The following TAFA4 variants were observed in gnomAD, a reference collection of about 807,000 sequenced individuals.
The protein encoded by TAFA4 is chemokine-like protein TAFA-4.
TAFA4 carries 20 observed loss-of-function variants against 21.1 expected under a neutral mutation model. The observed-to-expected ratio is 0.95, with a 90% confidence interval of 0.67 to 1.38. TAFA4 has a LOEUF of 1.38. Ranked by LOEUF, TAFA4 falls within the 40% of genes most tolerant of loss-of-function variation. The pLI, the probability that TAFA4 is intolerant of heterozygous loss-of-function variation, is 0.00. For missense variants in TAFA4, 211 were observed against 180.9 expected, an observed-to-expected ratio of 1.17 and a Z score of -0.95; for synonymous variants, 71 against 67.4, an observed-to-expected ratio of 1.05 and a Z score of -0.26.
chr3:68,806,169 C>T (rs528576337), intron 3 of TAFA4, among the ~76,000 whole-genome samples: 1 of 151,990 alleles, frequency 6.6e-6, no homozygotes, highest in East Asian at 1.9e-4. Context: ...GTTTATGCCT[C>T]AGTAGTCAGG....
rs114254878 is a variant in TAFA4 at position 68,761,527 on chromosome 3, A to G, written c.131-8509T>C. 7.5e-3 allele frequency among the ~76,000 whole-genome samples: 1,145 copies of G among 152,294 alleles called. 15 individuals are homozygous for G. Among genetic ancestry groups the G allele is most frequent in the African/African-American group, 0.026 (1,063 of 41,562 alleles). ...TGAGGGGAAATGCCCTTGTGACTAGAGCTGTGTCAGAGCAGAAACAATAAG... is the reference window on the plus strand; with the variant it reads ...TGAGGGGAAATGCCCTTGTGACTAGGGCTGTGTCAGAGCAGAAACAATAAG... On this transcript the variant is annotated intron_variant, in intron 3 of 5. Coordinates refer to ENST00000295569, the MANE Select transcript of TAFA4 (RefSeq NM_182522.5).
At chr3:68,899,391 T>C (rs1311458581) in intron 1 of TAFA4, among the ~76,000 whole-genome samples, 1 of 151,894 alleles carries the variant, frequency 6.6e-6, no homozygotes, top group African/African-American at 2.4e-5. Context: ...GACAATAATA[T>C]ACCCTGGATT....
At chr3:68,928,542 C>A (rs539413531) in intron 1 of TAFA4, among the ~76,000 whole-genome samples, 12 of 152,334 alleles carry the variant, frequency 7.9e-5, no homozygotes, top group Admixed American at 7.2e-4. Context: ...CAAATTGCGT[C>A]ACCCTGCCCA....
At chr3:68,769,624 T>A (rs968482065) in intron 3 of TAFA4, among the ~76,000 whole-genome samples, 2 of 152,186 alleles carry the variant, frequency 1.3e-5, no homozygotes, top group Admixed American at 6.5e-5. Context: ...TACGCTACCA[T>A]ACCCAGATTT....
intron 3 of TAFA4, among the ~76,000 whole-genome samples, chr3:68,761,810 A>G (rs1702759293): frequency 6.6e-6 from 1 of 152,196 alleles, no homozygotes; most frequent in Admixed American, 6.5e-5. Context: ...GCTTGGACCA[A>G]TGTGGTAGCA....
At chr3:68,816,833 T>C (rs2106855352) in intron 3 of TAFA4, among the ~76,000 whole-genome samples, 1 of 152,320 alleles carries the variant, frequency 6.6e-6, no homozygotes, top group South Asian at 2.1e-4. Context: ...TTCAATAACT[T>C]TATGTCTAAA....
At chr3:68,877,230 G>A (rs974634510) in intron 3 of TAFA4, among the ~76,000 whole-genome samples, 8 of 152,024 alleles carry the variant, frequency 5.3e-5, no homozygotes, top group Non-Finnish European at 1.2e-4. Flanking sequence ...GCTGTGGTAG[G>A]CGCCTATAAC....
intron 3 of TAFA4, among the ~76,000 whole-genome samples, chr3:68,759,419 T>C (rs569620829): frequency 1.3e-5 from 2 of 152,110 alleles, no homozygotes; most frequent in Non-Finnish European, 2.9e-5. Flanking sequence ...TACAGTATTG[T>C]AGGATGGGAG....
chr3:68,770,098 A>T (rs35868242), intron 3 of TAFA4, among the ~76,000 whole-genome samples: 3,925 of 152,252 alleles, frequency 0.026, 270 homozygotes, highest in East Asian at 0.25. Context: ...ATGAAAAAAA[A>T]ATATATCTAA....
chr3:68,929,447 C>T (rs1431219271), intron 1 of TAFA4, among the ~76,000 whole-genome samples: 1 of 152,112 alleles, frequency 6.6e-6, no homozygotes, highest in African/African-American at 2.4e-5. Context: ...GTATGGCCTC[C>T]CAATCATTTA....
At chr3:68,807,369 T>C (rs937518286) in intron 3 of TAFA4, among the ~76,000 whole-genome samples, 2 of 152,192 alleles carry the variant, frequency 1.3e-5, no homozygotes, top group Non-Finnish European at 2.9e-5. Flanking sequence ...CAAGCTGATA[T>C]TACCACGCAG....
At chr3:68,749,315 A>G (rs767336166) in intron 4 of TAFA4, among the ~76,000 whole-genome samples, 26 of 152,220 alleles carry the variant, frequency 1.7e-4, no homozygotes, top group Admixed American at 7.9e-4. Context: ...AGGATATTCC[A>G]GTTTCTATGT....
chr3:68,856,894 G>A (rs77661734), intron 3 of TAFA4, among the ~76,000 whole-genome samples: 16,475 of 152,074 alleles, frequency 0.11, 1,207 homozygotes, highest in African/African-American at 0.21. Flanking sequence ...TCCACCATCT[G>A]CTGGCTGGGT....
intron 3 of TAFA4, among the ~76,000 whole-genome samples, chr3:68,772,841 CATCCATCCGTCA>C (rs1265032284): frequency 6.6e-6 from 1 of 152,062 alleles, no homozygotes; most frequent in African/African-American, 2.4e-5. Flanking sequence ...CTCATCCATC[CATCCATCCGTCA>C]ATCCATCCAT....
chr3:68,838,212 A>G (rs2106889197), intron 3 of TAFA4, among the ~76,000 whole-genome samples: 2 of 152,320 alleles, frequency 1.3e-5, no homozygotes, highest in South Asian at 4.1e-4. Flanking sequence ...AAATAGCTCT[A>G]TTGAACTCAT....
At chr3:68,758,099 G>C (rs975036279) in intron 3 of TAFA4, among the ~76,000 whole-genome samples, 1 of 152,182 alleles carries the variant, frequency 6.6e-6, no homozygotes, top group African/African-American at 2.4e-5. Context: ...ATGAAGGAAA[G>C]GTTCCCCTCT....
chr3:68,752,615 G>A (rs1051150240), intron 4 of TAFA4, among the ~76,000 whole-genome samples: 2 of 152,134 alleles, frequency 1.3e-5, no homozygotes, highest in African/African-American at 2.4e-5. Context: ...TGGGTAAAAG[G>A]AATTGAAGCA....
chr3:68,783,164 A>G (rs1253533941), intron 3 of TAFA4, among the ~76,000 whole-genome samples: 1 of 152,240 alleles, frequency 6.6e-6, no homozygotes, highest in Non-Finnish European at 1.5e-5. Flanking sequence ...GAAAACCTAT[A>G]GCAAACATAC....
intron 4 of TAFA4, among the ~76,000 whole-genome samples, chr3:68,742,759 G>T (rs1220438421): frequency 1.3e-5 from 2 of 152,024 alleles, no homozygotes; most frequent in African/African-American, 4.8e-5. Context: ...GTACTTCATC[G>T]AAATGAAAAA....
Sources: allele counts gnomAD v4.1 joint callset (sites outside exome capture counted in the v4.1 genomes callset), GRCh38; gene constraint gnomAD v4.1.1; transcripts MANE v1.5; gene names NCBI Gene and HGNC (gene_info 2026-07-23, HGNC 2026-07-21).